Variants in DENND2A observed in about 807,000 individuals in gnomAD.
The protein encoded by DENND2A is DENN domain containing 2A, also known as DENN domain-containing protein 2A.
DENND2A carries 53 observed loss-of-function variants against 105.3 expected under a neutral mutation model. The observed-to-expected ratio is 0.50, with a 90% confidence interval of 0.40 to 0.63. DENND2A has a LOEUF of 0.63. Ranked by LOEUF, DENND2A falls within the 30% of genes least tolerant of loss-of-function variation. DENND2A has a pLI of 0.00. For missense variants in DENND2A, 1,138 were observed against 1,279.6 expected (o/e 0.89, Z 1.69); for synonymous variants, 522 against 508.4 (o/e 1.03, Z -0.36).
At chr7:140,606,217 T>C (rs1408696826) in intron 1 of DENND2A, among the ~76,000 whole-genome samples, 1 of 152,080 alleles carries the variant, frequency 6.6e-6, no homozygotes, top group African/African-American at 2.4e-5. Flanking sequence ...TGTTTGTATT[T>C]TTAGTAGAGA....
intron 14 of DENND2A, among the ~76,000 whole-genome samples, chr7:140,528,892 T>G (rs1796156350): frequency 1.3e-5 from 2 of 151,800 alleles, no homozygotes; most frequent in Admixed American, 6.6e-5. Flanking sequence ...GCTGAGGTGG[T>G]CAGAAGTTCA....
chr7:140,606,293 G>A (rs1316408800), intron 1 of DENND2A, among the ~76,000 whole-genome samples: 2 of 152,214 alleles, frequency 1.3e-5, no homozygotes, highest in African/African-American at 4.8e-5. Context: ...GCCTGCCTTG[G>A]CCTTCCTAAG....
At chr7:140,580,360 C>G (rs1035200245) in intron 5 of DENND2A, among the ~76,000 whole-genome samples, 2 of 145,960 alleles carry the variant, frequency 1.4e-5, no homozygotes, top group Non-Finnish European at 3.0e-5. Context: ...GAGACAGGCT[C>G]TCACTCTGGA....
intron 4 of DENND2A, among the ~76,000 whole-genome samples, chr7:140,586,408 A>ACACACAC (rs1798787183): frequency 1.5e-5 from 2 of 133,668 alleles, no homozygotes; most frequent in African/African-American, 5.8e-5. Context: ...CACACACACA[A>ACACACAC]ATTAACTGAG....
intron 12 of DENND2A, among the ~76,000 whole-genome samples, chr7:140,554,514 T>C (rs1022473831): frequency 1.3e-5 from 2 of 151,838 alleles, no homozygotes; most frequent in Admixed American, 1.3e-4. Flanking sequence ...CACGCGCCTG[T>C]AATGCCAGCT....
chr7:140,528,979 C>A (rs1796160296), intron 14 of DENND2A, among the ~76,000 whole-genome samples: 2 of 151,506 alleles, frequency 1.3e-5, no homozygotes, highest in South Asian at 4.2e-4. Context: ...GTGATGCACG[C>A]CTGTAATCCC....
chr7:140,572,570 G>C (rs1798136264), intron 6 of DENND2A, among the ~76,000 whole-genome samples: 1 of 151,432 alleles, frequency 6.6e-6, no homozygotes, highest in South Asian at 2.1e-4. Context: ...AGACCAGCCT[G>C]GTCAATATGG....
intron 14 of DENND2A, among the ~76,000 whole-genome samples, chr7:140,536,371 G>T (rs1796455867): frequency 2.0e-5 from 3 of 150,318 alleles, no homozygotes; most frequent in Admixed American, 2.0e-4. Flanking sequence ...AAAAAAAAAA[G>T]AATCTCAGAG....
Position 140,588,766 on chromosome 7 carries a change from CT to C in DENND2A, c.996-987del, listed in dbSNP as rs34456581. Among the ~76,000 whole-genome samples, 843 of 136,796 alleles carry C rather than the reference CT, an allele frequency of 6.2e-3. 9 individuals are homozygous for C. Among genetic ancestry groups the C allele is most frequent in the East Asian group, 0.021 (98 of 4,664 alleles). 89.7% of individuals were successfully genotyped at this position (136,796 alleles called of 152,430 possible). On this transcript the variant is annotated intron_variant, in intron 3 of 19. Coordinates refer to ENST00000496613, the MANE Select transcript of DENND2A (RefSeq NM_015689.5). The stretch of plus-strand genomic sequence containing the variant: ...CTATTCTTATCCACTTTTTTTGGCA[CT>C]TTTTTTTTTTTTTTTTGAGACCTGG...
Position 140,634,907 on chromosome 7 carries a change from A to C in DENND2A, c.-248+5597T>G, listed in dbSNP as rs1404263142. ...AACCCAGGAGGTGGAGGTTTCAGTG[A>C]GCCAAGATCACGGCACTGAACTCCA... On this transcript the variant is annotated intron_variant, in intron 1 of 19. Transcript: ENST00000496613. Among the ~76,000 whole-genome samples the C allele has an allele frequency of 2.0e-5, 3 of 151,652 alleles. No individual in the cohort carries two copies. In the East Asian group the frequency reaches 5.8e-4, roughly 29 times the overall value.
chr7:140,571,790 C>T (rs775075111), intron 6 of DENND2A, among the ~76,000 whole-genome samples: 26 of 152,106 alleles, frequency 1.7e-4, no homozygotes, highest in Non-Finnish European at 2.6e-4. Flanking sequence ...TCACAAAGGA[C>T]GATTCTGTGT....
chr7:140,610,778 TGGA>T (rs1462997850), intron 1 of DENND2A, among the ~76,000 whole-genome samples: 1 of 152,190 alleles, frequency 6.6e-6, no homozygotes, highest in East Asian at 1.9e-4. Flanking sequence ...CTGTGGCATT[TGGA>T]GGAGGACCAA....
chr7:140,614,395 G>A (rs759033497), intron 1 of DENND2A, among the ~76,000 whole-genome samples: 24 of 152,278 alleles, frequency 1.6e-4, no homozygotes, highest in Non-Finnish European at 7.4e-5. Context: ...GTGAGCCACC[G>A]CACCTGGCCA....
rs571767200 is a variant in DENND2A at position 140,635,006 on chromosome 7, T to C, written c.-248+5498A>G. On this transcript the variant is annotated intron_variant, in intron 1 of 19. Coordinates refer to ENST00000496613, the MANE Select transcript of DENND2A (RefSeq NM_015689.5). Reference sequence around the variant, plus strand: ...GGCCAAGTGCAGTGGCTCATGCCTGTAGTCCCAGCACTTTGCAAGGCCGAG... The same window carrying C: ...GGCCAAGTGCAGTGGCTCATGCCTGCAGTCCCAGCACTTTGCAAGGCCGAG... 4.0e-5 allele frequency among the ~76,000 whole-genome samples: 6 copies of C among 151,868 alleles called. No individual in the cohort carries two copies. In the South Asian group the frequency reaches 1.2e-3, roughly 32 times the overall value.
At chr7:140,635,558 C>A (rs1362393106) in intron 1 of DENND2A, among the ~76,000 whole-genome samples, 2 of 152,128 alleles carry the variant, frequency 1.3e-5, no homozygotes, top group Admixed American at 1.3e-4. Context: ...GCTTTCATTT[C>A]CTTCTGAAGG....
intron 14 of DENND2A, among the ~76,000 whole-genome samples, chr7:140,531,585 G>A (rs1320501706): frequency 2.0e-5 from 3 of 151,886 alleles, no homozygotes; most frequent in Non-Finnish European, 4.4e-5. Flanking sequence ...GATCACCTGA[G>A]GTCAGGAGTT....
intron 5 of DENND2A, among the ~76,000 whole-genome samples, chr7:140,583,820 G>C (rs1162053640): frequency 1.3e-5 from 2 of 149,234 alleles, no homozygotes; most frequent in Non-Finnish European, 2.9e-5. Flanking sequence ...CAGCTACTCG[G>C]GAGGCTGAGG....
At chr7:140,561,280 C>A (rs1249686911) in intron 9 of DENND2A, among the ~76,000 whole-genome samples, 2 of 152,082 alleles carry the variant, frequency 1.3e-5, no homozygotes, top group African/African-American at 4.8e-5. Context: ...TAAACAGGTA[C>A]TTTTTCATGT....
chr7:140,605,992 G>A (rs1799673920), intron 1 of DENND2A, among the ~76,000 whole-genome samples, 186 bp from the exon 2 acceptor site: 1 of 152,162 alleles, frequency 6.6e-6, no homozygotes, highest in Non-Finnish European at 1.5e-5. Context: ...CAATCCCGAT[G>A]TCCGCCCGGA....
Sources: allele counts gnomAD v4.1 joint callset (sites outside exome capture counted in the v4.1 genomes callset), GRCh38; gene constraint gnomAD v4.1.1; transcripts MANE v1.5; gene names NCBI Gene and HGNC (gene_info 2026-07-23, HGNC 2026-07-21).